Variants in SP140 observed in about 807,000 individuals in gnomAD.
SP140 encodes the protein SP140 nuclear body protein.
In SP140, 81 loss-of-function variants were observed where a neutral mutation model predicts 125.0. The ratio of observed to expected loss-of-function variants is 0.65; its 90% CI spans 0.54 to 0.78. The LOEUF (loss-of-function observed/expected upper bound fraction) is 0.78, where lower values mean the gene tolerates loss of function less well. SP140 is among the 30% of genes least tolerant of loss of function. The pLI, the probability that SP140 is intolerant of heterozygous loss-of-function variation, is 0.00. For missense variants in SP140, 858 were observed against 1,037.0 expected (o/e 0.83, Z 2.37); for synonymous variants, 312 against 354.0 (o/e 0.88, Z 1.33).
chr2:230,305,735 C>G (rs2058701597), intron 22 of SP140, among the ~76,000 whole-genome samples: 1 of 152,218 alleles, frequency 6.6e-6, no homozygotes, highest in South Asian at 2.1e-4. Flanking sequence ...GGAGTGGCGC[C>G]CACTTCCAGG....
chr2:230,306,601 C>G (rs2058786164), intron 22 of SP140, among the ~76,000 whole-genome samples: 1 of 152,256 alleles, frequency 6.6e-6, no homozygotes, highest in Non-Finnish European at 1.5e-5. Context: ...TCCCTGCTCC[C>G]AGCACCTGCT....
chr2:230,210,223 C>T (rs2044315009), intron 1 of SP140, among the ~76,000 whole-genome samples: 1 of 152,152 alleles, frequency 6.6e-6, no homozygotes, highest in Non-Finnish European at 1.5e-5. Flanking sequence ...GCACAACTGC[C>T]CCACAGCAGA....
chr2:230,299,605 G>T (rs977927897), intron 22 of SP140, among the ~76,000 whole-genome samples: 1 of 152,160 alleles, frequency 6.6e-6, no homozygotes, highest in Non-Finnish European at 1.5e-5. Flanking sequence ...AGAATCTGGG[G>T]GTGTGAACCT....
chr2:230,298,710 T>C (rs1185679758), intron 22 of SP140, among the ~76,000 whole-genome samples: 1 of 152,256 alleles, frequency 6.6e-6, no homozygotes, highest in African/African-American at 2.4e-5. Context: ...AATCTCATAT[T>C]GTCCTGCAGC....
At position 230,284,347 on chromosome 2, in the gene SP140, A is replaced by G. The variant is rs573350532; in HGVS notation, c.1500A>G (p.Arg500=). The change falls in exon 16 of 27, where the codon AGA becomes AGG. Residue 500 remains arginine (R), a splice_region_variant and synonymous_variant. Coordinates refer to ENST00000392045, the MANE Select transcript of SP140 (RefSeq NM_007237.5). ...STLGKPKRKR[R]KKRGHGWSRM... ...AACTTTATTCTCTTTGGTTTGAAGG[A>G]AAAAAGAGGGGGCATGGCTGGAGCA... is the stretch of plus-strand genomic sequence containing the variant. The G allele has an allele frequency of 1.1e-5, 18 of 1,604,064 alleles. No individual in the cohort carries two copies. The South Asian group carries it at 1.9e-4, about 17-fold the overall frequency.
chr2:230,265,312 C>G (rs191213225), intron 12 of SP140, among the ~76,000 whole-genome samples: 71 of 152,190 alleles, frequency 4.7e-4, no homozygotes, highest in African/African-American at 1.7e-3. Context: ...CTCACTCCCA[C>G]CATGCCCCGC....
chr2:230,203,754 T>C (rs1162002964), intron 1 of SP140: 4 of 152,254 alleles, frequency 2.6e-5, no homozygotes. Flanking sequence ...AACATCTTTT[T>C]ATGTGTTTTG....
intron 12 of SP140, among the ~76,000 whole-genome samples, chr2:230,260,330 T>C (rs2052017210): frequency 6.6e-6 from 1 of 152,232 alleles, no homozygotes; most frequent in Non-Finnish European, 1.5e-5. Context: ...TCATTGTAGA[T>C]TATGGATATT....
chr2:230,232,833 TG>T (rs1394755843), intron 1 of SP140, among the ~76,000 whole-genome samples: 13 of 152,332 alleles, frequency 8.5e-5, no homozygotes, highest in Admixed American at 8.5e-4. Flanking sequence ...GGAAGTAAGA[TG>T]TTTTTTAACA....
At chr2:230,198,227 G>A (rs1226321598), upstream of SP140, among the ~76,000 whole-genome samples, 2 of 152,206 alleles carry the variant, frequency 1.3e-5, no homozygotes, top group African/African-American at 2.4e-5. Context: ...CCACAGGCGG[G>A]AAAAGAATGT....
At chr2:230,252,096 G>A (rs1296827627) in intron 10 of SP140, among the ~76,000 whole-genome samples, 1 of 151,934 alleles carries the variant, frequency 6.6e-6, no homozygotes, top group Non-Finnish European at 1.5e-5. Context: ...AGTAAAGCAA[G>A]CTTAAGGAGA....
chr2:230,256,017 C>T (rs2051133845), intron 12 of SP140, among the ~76,000 whole-genome samples: 1 of 152,116 alleles, frequency 6.6e-6, no homozygotes, highest in African/African-American at 2.4e-5. Context: ...GCTATCAATA[C>T]TATTATTTGA....
intron 15 of SP140, among the ~76,000 whole-genome samples, chr2:230,278,414 A>T (rs2055040049): frequency 2.0e-5 from 3 of 152,038 alleles, no homozygotes; most frequent in Admixed American, 2.0e-4. Flanking sequence ...CTTATCAAAT[A>T]CATGGTTTGC....
intron 1 of SP140, among the ~76,000 whole-genome samples, chr2:230,213,286 T>C (rs1480645337): frequency 6.6e-6 from 1 of 152,166 alleles, no homozygotes; most frequent in African/African-American, 2.4e-5. Flanking sequence ...CACATAAAAG[T>C]TGAGTTTGGG....
At chr2:230,301,171 AT>A (rs2058252446) in intron 22 of SP140, among the ~76,000 whole-genome samples, 1 of 152,248 alleles carries the variant, frequency 6.6e-6, no homozygotes. Flanking sequence ...AAACCTAAGA[AT>A]AATTTGTGTT....
chr2:230,271,829 A>G (rs764626866), intron 15 of SP140, among the ~76,000 whole-genome samples: 1 of 152,188 alleles, frequency 6.6e-6, no homozygotes, highest in Non-Finnish European at 1.5e-5. Context: ...AGAAACAACA[A>G]AGACTTTTTG....
chr2:230,277,148 G>A (rs1056169137), intron 15 of SP140, among the ~76,000 whole-genome samples: 2 of 152,264 alleles, frequency 1.3e-5, no homozygotes, highest in Middle Eastern at 3.4e-3. Context: ...CTACTCAATA[G>A]CATTGCATGC....
rs768842166 is a variant in SP140, at chr2:230,285,759, C to T, written c.1572C>T (p.Ser524=). ...RQENSQQNDN[S]KADGQVVSSE... The stretch of plus-strand genomic sequence containing the variant: ...TCCCCTGCCTATCCCCAGATAATAG[C>T]AAAGCCGACGGCCAGGTGGTCTCCA... The change falls in exon 17 of 27, where the codon AGC becomes AGT. Residue 524 remains serine, a synonymous_variant. Transcript: ENST00000392045. The T allele has an allele frequency of 1.9e-6, 3 of 1,613,354 alleles. No individual in the cohort carries two copies. The South Asian group carries it at 3.3e-5, about 18-fold the overall frequency.
chr2:230,259,963 T>C (rs193223290), intron 12 of SP140, among the ~76,000 whole-genome samples: 342 of 152,200 alleles, frequency 2.2e-3, no homozygotes, highest in Admixed American at 3.9e-3. Context: ...TACCCAGTAG[T>C]GGGATTGCTG....
Sources: gnomAD v4.1 joint callset for allele counts (sites outside exome capture counted in the v4.1 genomes callset) on GRCh38, gnomAD v4.1.1 for gene constraint, MANE v1.5 for transcripts, NCBI Gene and HGNC (gene_info 2026-07-23, HGNC 2026-07-21) for gene names.